Variants in GALNT17 observed in about 807,000 individuals in gnomAD.
The protein encoded by GALNT17 is UDP-GalNAc:polypeptide N-acetylgalactosaminyltransferase-like 3.
Under a neutral mutation model 63.7 loss-of-function variants are expected in GALNT17, and 29 were observed. The ratio of observed to expected loss-of-function variants is 0.46; its 90% CI spans 0.34 to 0.62. GALNT17 has a LOEUF of 0.62. GALNT17 is among the 20% of genes least tolerant of loss of function. GALNT17 has a pLI of 0.01. For synonymous variants in GALNT17, 305 were observed against 318.3 expected (o/e 0.96, Z 0.45); for missense variants, 603 against 799.6 (o/e 0.75, Z 2.97).
rs1787702191 is a variant in GALNT17, at chr7:71,132,630, A to G, written c.-173A>G. ...AGCGATTCCGTTCTCCCCACCACCA[A>G]TCCGACCTCCCAGCCGTCTCCGCCG... On this transcript the variant is annotated 5_prime_UTR_variant, in exon 1 of 11. Transcript: ENST00000333538. The G allele has an allele frequency of 4.4e-5, 26 of 589,502 alleles. No homozygotes were observed. In the South Asian group the frequency reaches 4.8e-4, roughly 11 times the overall value. 36.5% of individuals were successfully genotyped at this position (589,502 alleles called of 1,614,324 possible).
chr7:71,438,603 G>T (rs1371885943), intron 5 of GALNT17, among the ~76,000 whole-genome samples: 1 of 152,100 alleles, frequency 6.6e-6, no homozygotes, highest in Non-Finnish European at 1.5e-5. Flanking sequence ...TGTCTTATAG[G>T]GTTGTTGTGA....
In GALNT17 at chr7:71,308,964, G is replaced by A. The variant is rs551573383; in HGVS notation, c.239-26586G>A. On this transcript the variant is annotated intron_variant, in intron 1 of 10. Transcript: ENST00000333538. ...TCACCATGTTGGCCATACTGGTCTCGAACTCCTGACCTCAGGTGATCTGCC... is the reference window on the plus strand; with the variant it reads ...TCACCATGTTGGCCATACTGGTCTCAAACTCCTGACCTCAGGTGATCTGCC... 2.6e-5 allele frequency among the ~76,000 whole-genome samples: 4 copies of A among 152,074 alleles called. No individual in the cohort carries two copies. The East Asian group carries it at 5.8e-4, about 22-fold the overall frequency.
chr7:71,221,121 C>T (rs1007732492), intron 1 of GALNT17, among the ~76,000 whole-genome samples: 1 of 152,082 alleles, frequency 6.6e-6, no homozygotes, highest in Non-Finnish European at 1.5e-5. Context: ...TTACCCCTTG[C>T]CCTTTTCTGT....
chr7:71,307,836 T>A (rs753994333), intron 1 of GALNT17: 1 of 151,402 alleles, frequency 6.6e-6, no homozygotes, highest in Non-Finnish European at 1.5e-5. Context: ...AGTGAAGCAT[T>A]TTTTTTTTCT....
intron 9 of GALNT17, among the ~76,000 whole-genome samples, chr7:71,684,366 G>A (rs1428655964): frequency 6.6e-6 from 1 of 152,172 alleles, no homozygotes; most frequent in African/African-American, 2.4e-5. Flanking sequence ...TGACCCCAGG[G>A]ACCCACTGTG....
chr7:71,429,350 A>G (rs895004265), intron 5 of GALNT17, among the ~76,000 whole-genome samples: 1 of 152,176 alleles, frequency 6.6e-6, no homozygotes, highest in East Asian at 1.9e-4. Context: ...TGTCTGACTC[A>G]CATTTTCCTT....
At chr7:71,631,876 T>C (rs1442106378) in intron 6 of GALNT17, among the ~76,000 whole-genome samples, 1 of 152,044 alleles carries the variant, frequency 6.6e-6, no homozygotes, top group Non-Finnish European at 1.5e-5. Flanking sequence ...CAGAAGAGAT[T>C]AGCATTTGAA....
At chr7:71,456,158 A>G (rs1233708712) in intron 5 of GALNT17, among the ~76,000 whole-genome samples, 1 of 152,042 alleles carries the variant, frequency 6.6e-6, no homozygotes, top group Non-Finnish European at 1.5e-5. Flanking sequence ...AGGCAGGAGA[A>G]TTGCTTGAAC....
intron 1 of GALNT17, among the ~76,000 whole-genome samples, chr7:71,241,515 C>T (rs7811880): frequency 0.51 from 78,087 of 152,024 alleles, 21,257 homozygotes; most frequent in East Asian, 0.81. Flanking sequence ...GTGCCACGTT[C>T]CATTTCCAAT....
chr7:71,277,260 TCTCA>T (rs1256676134), intron 1 of GALNT17, among the ~76,000 whole-genome samples: 5 of 152,190 alleles, frequency 3.3e-5, no homozygotes, highest in Non-Finnish European at 7.4e-5. Flanking sequence ...TCCTGCATGT[TCTCA>T]CTTACAAGTG....
chr7:71,340,196 A>G (rs900430969), intron 2 of GALNT17, among the ~76,000 whole-genome samples: 10 of 152,206 alleles, frequency 6.6e-5, no homozygotes, highest in African/African-American at 2.4e-4. Flanking sequence ...GTTAGCAGTT[A>G]TGTCCCCAGA....
At chr7:71,211,757 T>C (rs1177383567) in intron 1 of GALNT17, among the ~76,000 whole-genome samples, 2 of 152,162 alleles carry the variant, frequency 1.3e-5, no homozygotes, top group Admixed American at 6.5e-5. Context: ...TGATTCTTGT[T>C]ATGTTTTAGC....
intron 9 of GALNT17, among the ~76,000 whole-genome samples, chr7:71,692,651 C>T (rs943993671): frequency 6.6e-6 from 1 of 152,064 alleles, no homozygotes; most frequent in Non-Finnish European, 1.5e-5. Flanking sequence ...CATACACATA[C>T]ACATAAAACA....
intron 5 of GALNT17, among the ~76,000 whole-genome samples, chr7:71,443,365 G>A (rs1563096707): frequency 6.6e-6 from 1 of 152,254 alleles, no homozygotes; most frequent in South Asian, 2.1e-4. Context: ...TGTCGCTTCC[G>A]AATCTCATGC....
At chr7:71,224,308 T>C (rs1020652792) in intron 1 of GALNT17, among the ~76,000 whole-genome samples, 1 of 152,174 alleles carries the variant, frequency 6.6e-6, no homozygotes, top group Admixed American at 6.5e-5. Flanking sequence ...CCTCCCAAAG[T>C]TTCGGGATTA....
intron 5 of GALNT17, among the ~76,000 whole-genome samples, chr7:71,436,902 C>T: frequency 6.6e-6 from 1 of 152,104 alleles, no homozygotes. Flanking sequence ...AGACCCTGAC[C>T]CAACAATGGA....
chr7:71,273,288 G>A (rs1023348850), intron 1 of GALNT17, among the ~76,000 whole-genome samples: 8 of 152,122 alleles, frequency 5.3e-5, no homozygotes, highest in African/African-American at 9.7e-5. Context: ...AATTTCAAAC[G>A]CTGTCAACTC....
At chr7:71,283,338 CTTTTA>C (rs1237702741) in intron 1 of GALNT17, among the ~76,000 whole-genome samples, 1 of 152,056 alleles carries the variant, frequency 6.6e-6, no homozygotes, top group African/African-American at 2.4e-5. Flanking sequence ...GCTCTCCCTG[CTTTTA>C]TTTTATTTTT....
At chr7:71,525,883 G>A (rs1788616558) in intron 5 of GALNT17, among the ~76,000 whole-genome samples, 1 of 151,572 alleles carries the variant, frequency 6.6e-6, no homozygotes. Flanking sequence ...GGGACTACAG[G>A]TGTGCACCAC....
Sources: gnomAD v4.1 joint callset for allele counts (sites outside exome capture counted in the v4.1 genomes callset) on GRCh38, gnomAD v4.1.1 for gene constraint, MANE v1.5 for transcripts, NCBI Gene and HGNC (gene_info 2026-07-23, HGNC 2026-07-21) for gene names.